Variants in PTPRT observed in about 807,000 individuals in gnomAD.
PTPRT encodes the protein protein tyrosine phosphatase receptor type T.
A neutral mutation model predicts 176.8 loss-of-function variants in PTPRT; 56 were observed. The observed-to-expected ratio is 0.32, with a 90% CI of 0.26 to 0.40. PTPRT has a LOEUF of 0.40. Ranked by LOEUF, PTPRT falls within the 10% of genes least tolerant of loss-of-function variation. The probability of loss-of-function intolerance (pLI) is 1.00; values close to 1 mark genes in which losing one functional copy is unlikely to be tolerated. For missense variants in PTPRT, 1,540 were observed against 1,908.2 expected (o/e 0.81, Z 3.60); for synonymous variants, 783 against 739.0 (o/e 1.06, Z -0.96).
chr20:42,196,593 A>G (rs993266725), intron 16 of PTPRT, among the ~76,000 whole-genome samples: 5 of 152,184 alleles, frequency 3.3e-5, no homozygotes, highest in Non-Finnish European at 7.4e-5. Context: ...TAATTTTGCA[A>G]CAGAGGTTGG....
At chr20:42,658,384 C>T (rs561769702) in intron 7 of PTPRT, among the ~76,000 whole-genome samples, 2 of 152,140 alleles carry the variant, frequency 1.3e-5, no homozygotes, top group African/African-American at 4.8e-5. Flanking sequence ...AGCCTTCTTG[C>T]GCTTAGGAAC....
intron 9 of PTPRT, among the ~76,000 whole-genome samples, chr20:42,369,479 C>T (rs1309735152): frequency 6.6e-6 from 1 of 152,168 alleles, no homozygotes; most frequent in Non-Finnish European, 1.5e-5. Context: ...CCTGAACCAC[C>T]ATTGCTGTTA....
intron 1 of PTPRT, among the ~76,000 whole-genome samples, chr20:42,904,114 T>C (rs532149028): frequency 6.6e-6 from 1 of 152,344 alleles, no homozygotes; most frequent in Non-Finnish European, 1.5e-5. Flanking sequence ...CGGGAGTTCA[T>C]GTGCATCCAG....
chr20:42,171,897 T>G lies in PTPRT; in HGVS notation c.2492-10355A>C, dbSNP rs370204899. On this transcript the variant is annotated intron_variant, in intron 16 of 30. Transcript: ENST00000373187. ...TTAATTCCCACAGAACAAAACTGCC[T>G]CCACTAAAGACGAACTCATAGTAAA... Among the ~76,000 whole-genome samples, 307 of 152,166 alleles carry G rather than the reference T, an allele frequency of 2.0e-3. 3 individuals carry two copies. Among genetic ancestry groups the G allele is most frequent in the African/African-American group, 6.9e-3 (286 of 41,514 alleles).
chr20:42,911,025 G>T (rs879287014), intron 1 of PTPRT, among the ~76,000 whole-genome samples: 2 of 152,074 alleles, frequency 1.3e-5, no homozygotes, highest in African/African-American at 2.4e-5. Context: ...TCACTATCAG[G>T]AGAGCAGCAT....
intron 7 of PTPRT, among the ~76,000 whole-genome samples, chr20:42,512,578 A>G (rs867004989): frequency 3.0e-4 from 45 of 152,326 alleles, no homozygotes; most frequent in African/African-American, 1.1e-3. Context: ...GATCTGCTAT[A>G]AATATTTGCG....
chr20:42,087,243 A>ATTC (rs1984063299), intron 27 of PTPRT, among the ~76,000 whole-genome samples: 1 of 150,692 alleles, frequency 6.6e-6, no homozygotes, highest in Non-Finnish European at 1.5e-5. Flanking sequence ...TATTATTATT[A>ATTC]TTTTTGAGAC....
At chr20:42,348,952 G>A (rs151281527) in intron 11 of PTPRT, among the ~76,000 whole-genome samples, 91 of 152,290 alleles carry the variant, frequency 6.0e-4, no homozygotes, top group Middle Eastern at 3.4e-3. Flanking sequence ...AAAACCAAGA[G>A]TATAGAGATT....
At position 43,189,825 on chromosome 20, in the gene PTPRT, CGCTGGCTGTGCGCGCGGCT is replaced by C. The variant is rs1316683953; in HGVS notation, c.-111_-93del. On this transcript the variant is annotated 5_prime_UTR_variant, in exon 1 of 31. Coordinates refer to ENST00000373187, the MANE Select transcript of PTPRT (RefSeq NM_007050.6). This position sits in a 1 kb window ranked among gnomAD's most constrained non-coding sequence, Gnocchi z 5.0. ...GGTGGCCCCGCATCGCCGGCGCGGC[CGCTGGCTGTGCGCGCGGCT>C]GGCTCCGCTCGGGCTCCCGGAGCCG... 1.7e-5 allele frequency: 11 copies of C among 640,890 alleles called. No individual in the cohort carries two copies. The highest frequency in any genetic ancestry group is 6.5e-5 in the South Asian group (1 of 15,326). 39.7% of individuals were successfully genotyped at this position (640,890 alleles called of 1,614,324 possible).
intron 6 of PTPRT, among the ~76,000 whole-genome samples, chr20:42,702,253 C>T (rs1258133331): frequency 1.3e-5 from 2 of 152,136 alleles, no homozygotes; most frequent in Non-Finnish European, 2.9e-5. Flanking sequence ...ATTCTGACAG[C>T]TATTCTTTGA....
chr20:42,647,868 C>A (rs2145957236), intron 7 of PTPRT, among the ~76,000 whole-genome samples: 1 of 152,270 alleles, frequency 6.6e-6, no homozygotes, highest in Non-Finnish European at 1.5e-5. Context: ...TAAGATGCTG[C>A]AAGTCGAATC....
chr20:42,628,290 A>C (rs2074333789), intron 7 of PTPRT, among the ~76,000 whole-genome samples: 1 of 152,136 alleles, frequency 6.6e-6, no homozygotes, highest in Non-Finnish European at 1.5e-5. Context: ...ACAGCAGAGA[A>C]GCTTTCAACC....
At chr20:42,374,974 A>G (rs562318215) in intron 9 of PTPRT, among the ~76,000 whole-genome samples, 1 of 152,330 alleles carries the variant, frequency 6.6e-6, no homozygotes, top group East Asian at 1.9e-4. Context: ...ATAATATACT[A>G]TTACAAATAA....
chr20:42,708,394 C>A (rs1013730766), intron 6 of PTPRT, among the ~76,000 whole-genome samples: 1 of 152,198 alleles, frequency 6.6e-6, no homozygotes, highest in Non-Finnish European at 1.5e-5. Context: ...CACATGAGAA[C>A]TGACATCCTA....
chr20:42,084,753 T>C lies in PTPRT; in HGVS notation c.4065A>G (p.Lys1355=). 1 of 1,567,476 alleles carries C rather than the reference T, an allele frequency of 6.4e-7. No individual in the cohort carries two copies. Among genetic ancestry groups the C allele is most frequent in the African/African-American group, 1.3e-5 (1 of 74,258 alleles). ...GCCACTTCTCCAGTCGTCGGACCAC[T>C]TTGAGCAGAGAGCGCTTGGAGGGGG... ...DTPPSKRSLL[K]VVRRLEKWQE... is the part of the protein sequence containing the mutation. Residue 1355 remains lysine, a synonymous_variant, in exon 29 of 31, where the codon AAA becomes AAG. Transcript: ENST00000373187.
intron 14 of PTPRT, among the ~76,000 whole-genome samples, chr20:42,243,848 C>T (rs1039428806): frequency 7.2e-5 from 11 of 152,156 alleles, no homozygotes; most frequent in Non-Finnish European, 8.8e-5. Flanking sequence ...CAGACCTAAC[C>T]TACTATGATT....
At chr20:42,991,553 T>C (rs1983913073) in intron 1 of PTPRT, among the ~76,000 whole-genome samples, 1 of 151,144 alleles carries the variant, frequency 6.6e-6, no homozygotes, top group Non-Finnish European at 1.5e-5. Context: ...TTCCAGGGAC[T>C]GGTGGGGGGC....
chr20:42,974,087 A>G (rs1600611407), intron 1 of PTPRT, among the ~76,000 whole-genome samples: 2 of 152,142 alleles, frequency 1.3e-5, no homozygotes, highest in Non-Finnish European at 2.9e-5. Context: ...AGTTAAGCAC[A>G]CCACCATCAC....
chr20:42,381,696 G>C (rs150807961), intron 9 of PTPRT, among the ~76,000 whole-genome samples: 1 of 152,152 alleles, frequency 6.6e-6, no homozygotes, highest in African/African-American at 2.4e-5. Flanking sequence ...GGGGGAAGAA[G>C]GGAAGGGAGA....
Sources: gnomAD v4.1 joint callset for allele counts (sites outside exome capture counted in the v4.1 genomes callset) on GRCh38, gnomAD v4.1.1 for gene constraint, Gnocchi (gnomAD v3.1) non-coding constraint, MANE v1.5 for transcripts, NCBI Gene and HGNC (gene_info 2026-07-23, HGNC 2026-07-21) for gene names.